The following ARPIN variants were observed in gnomAD, a reference collection of about 807,000 sequenced individuals.
The protein encoded by ARPIN is actin related protein 2/3 complex inhibitor, also known as UPF0552 protein C15orf38.
In ARPIN, 23 loss-of-function variants were observed where a neutral mutation model predicts 25.9. The observed-to-expected ratio is 0.89, with a 90% CI of 0.64 to 1.26. ARPIN has a LOEUF of 1.26. ARPIN is among the 50% of genes most tolerant of loss of function. The pLI, the probability that ARPIN is intolerant of heterozygous loss-of-function variation, is 0.00. For synonymous variants in ARPIN, 126 were observed against 131.4 expected (o/e 0.96, Z 0.28); for missense variants, 333 against 312.2 (o/e 1.07, Z -0.50).
At chr15:89,905,656 C>G (rs1596234534) in intron 3 of ARPIN, among the ~76,000 whole-genome samples, 1 of 152,244 alleles carries the variant, frequency 6.6e-6, no homozygotes, top group South Asian at 2.1e-4. Context: ...CACGCCTGTT[C>G]CCCTTGGCTT....
Position 89,901,336 on chromosome 15 carries a change from G to T in ARPIN, c.*459C>A, listed in dbSNP as rs1346740577. ...TCCAGTTACTCTCAGGCTGTCCTAG[G>T]GTCTCTCCCACCACCTGCCTCTACA... On this transcript the variant is annotated 3_prime_UTR_variant, in exon 6 of 6. Coordinates refer to ENST00000357484, the MANE Select transcript of ARPIN (RefSeq NM_182616.4). 5.4e-6 allele frequency: 1 copy of T among 185,056 alleles called. No homozygotes were observed. Among genetic ancestry groups the T allele is most frequent in the Non-Finnish European group, 1.1e-5 (1 of 89,432 alleles). 11.5% of individuals were successfully genotyped at this position (185,056 alleles called of 1,614,324 possible).
intron 1 of ARPIN, among the ~76,000 whole-genome samples, chr15:89,911,331 A>G (rs1897219760): frequency 6.6e-6 from 1 of 152,202 alleles, no homozygotes; most frequent in African/African-American, 2.4e-5. Flanking sequence ...TAACCCGAGG[A>G]AATGGTTATT....
intron 2 of ARPIN, among the ~76,000 whole-genome samples, chr15:89,910,413 C>T (rs1459218021): frequency 6.6e-6 from 1 of 152,176 alleles, no homozygotes; most frequent in Non-Finnish European, 1.5e-5. Flanking sequence ...AGGACATCAA[C>T]ATGGGAACTG....
chr15:89,908,535 T>C, intron 2 of ARPIN, 123 bp from the exon 3 acceptor site: 2 of 1,499,096 alleles, frequency 1.3e-6, no homozygotes, highest in South Asian at 1.3e-5. Flanking sequence ...CTCCAAAAGA[T>C]GTTCAAGCTA....
intron 4 of ARPIN, among the ~76,000 whole-genome samples, 153 bp downstream of exon 4, chr15:89,903,624 T>C (rs1897063948): frequency 1.3e-5 from 2 of 152,190 alleles, no homozygotes; most frequent in Admixed American, 1.3e-4. Flanking sequence ...AGGGCACTTG[T>C]GCAGGGATTT....
At position 89,912,227 on chromosome 15, in the gene ARPIN, C is replaced by T. The variant is rs142077775; in HGVS notation, c.92+517G>A. On this transcript the variant is annotated intron_variant, in intron 1 of 5. Transcript: ENST00000357484. ...TATTTCACTTAGCACAATTCTTCAG[C>T]GCAGTTGTAAATGGAATGGTCCCTT... 384 of 987,194 alleles carry T rather than the reference C, an allele frequency of 3.9e-4. 2 individuals carry two copies. In the South Asian group the frequency reaches 0.012, roughly 32 times the overall value. 61.2% of individuals were successfully genotyped at this position (987,194 alleles called of 1,614,324 possible). A position where few individuals can be genotyped will look rare whatever the true frequency, so the allele number is the denominator to read the frequency against.
chr15:89,912,660 G>A (rs1897246539), intron 1 of ARPIN, 84 bp downstream of exon 1: 1 of 1,112,906 alleles, frequency 9.0e-7, no homozygotes, highest in Non-Finnish European at 1.1e-6. Context: ...TCCCCCACCC[G>A]CATCCCACCC....
chr15:89,902,416 T>A (rs987460523), intron 5 of ARPIN, among the ~76,000 whole-genome samples: 3 of 150,930 alleles, frequency 2.0e-5, no homozygotes, highest in Non-Finnish European at 4.4e-5. Context: ...CTCAAAAAAA[T>A]AAAATAAAAT....
chr15:89,908,606 C>T (rs1463513336), intron 2 of ARPIN, among the ~76,000 whole-genome samples, 194 bp from the exon 3 acceptor site: 4 of 152,064 alleles, frequency 2.6e-5, no homozygotes, highest in African/African-American at 7.3e-5. Flanking sequence ...GAGCACCTGC[C>T]GCATATAATG....
chr15:89,903,461 C>T (rs1161996120), intron 4 of ARPIN, 82 bp from the exon 5 acceptor site: 8 of 1,586,264 alleles, frequency 5.0e-6, no homozygotes, highest in Middle Eastern at 1.7e-4. Context: ...GGTGGGGTCC[C>T]CTAGGCCTGG....
In ARPIN at chr15:89,901,407, A is replaced by G. The variant is rs2279849; in HGVS notation, c.*388T>C. 181,446 of 240,230 alleles carry G rather than the reference A, an allele frequency of 0.76. 68,997 individuals are homozygous for G. Among genetic ancestry groups the G allele is most frequent in the East Asian group, 0.81 (6,972 of 8,556 alleles). 14.9% of individuals were successfully genotyped at this position (240,230 alleles called of 1,614,324 possible). A position where few individuals can be genotyped will look rare whatever the true frequency, so the allele number is the denominator to read the frequency against. On this transcript the variant is annotated 3_prime_UTR_variant, in exon 6 of 6. Transcript: ENST00000357484. ...CCAGGGTCAACATGAGGCTGGGTGCAGTGGCTCACGCCTGTAATCCCAACA... is the reference window on the plus strand; with the variant it reads ...CCAGGGTCAACATGAGGCTGGGTGCGGTGGCTCACGCCTGTAATCCCAACA...
At chr15:89,910,132 G>A (rs1267680244) in intron 2 of ARPIN, among the ~76,000 whole-genome samples, 1 of 152,192 alleles carries the variant, frequency 6.6e-6, no homozygotes, top group Non-Finnish European at 1.5e-5. Context: ...GGGTACAGGA[G>A]GGACATGCAG....
At chr15:89,906,189 C>T (rs1052456303) in intron 3 of ARPIN, among the ~76,000 whole-genome samples, 4 of 152,150 alleles carry the variant, frequency 2.6e-5, no homozygotes, top group South Asian at 4.1e-4. Context: ...TCACAGGCAT[C>T]GCTGGGCTCC....
chr15:89,912,495 T>G, intron 1 of ARPIN: 2 of 1,275,624 alleles, frequency 1.6e-6, no homozygotes, highest in Non-Finnish European at 2.0e-6. Context: ...TGTCTGGGGG[T>G]CGGGACCCTC....
chr15:89,903,776 C>A lies in ARPIN; in HGVS notation c.508+1G>T, dbSNP rs768010613. On this transcript the variant is annotated splice_donor_variant, in intron 4 of 5. Coordinates refer to ENST00000357484, the MANE Select transcript of ARPIN (RefSeq NM_182616.4). LOFTEE classifies it high-confidence loss of function. Reference sequence around the variant, plus strand: ...GCCACAGTGAGGGTTGCATTGCTCACCCAGGAAGGGACCATCGCCCCGAGT... The same window carrying A: ...GCCACAGTGAGGGTTGCATTGCTCAACCAGGAAGGGACCATCGCCCCGAGT... 6.2e-7 allele frequency: 1 copy of A among 1,614,106 alleles called. No individual in the cohort carries two copies. Among genetic ancestry groups the A allele is most frequent in the South Asian group, 1.1e-5 (1 of 91,080 alleles).
In ARPIN at chr15:89,903,328, C is replaced by A. The variant is rs751988825; in HGVS notation, c.560G>T (p.Gly187Val). ...AGTVTKCNFT[G>V]DGKTGASWTD... ...CCAGGATGCCCCTGTCTTTCCATCA[C>A]CAGTGAAATTACACTTGGTCACTGT... The change falls in exon 5 of 6, where the codon GGT becomes GTT. Residue 187 changes from glycine (G) to valine (V), a missense_variant. Gly to Val is a moderately radical substitution (Grantham distance 109). Transcript: ENST00000357484. 8.7e-6 allele frequency: 14 copies of A among 1,614,106 alleles called. No individual in the cohort carries two copies. Among genetic ancestry groups the A allele is most frequent in the Non-Finnish European group, 1.1e-5 (13 of 1,180,060 alleles).
intron 1 of ARPIN, 49 bp from the exon 2 acceptor site, chr15:89,910,868 C>T: frequency 6.2e-7 from 1 of 1,605,578 alleles, no homozygotes; most frequent in Non-Finnish European, 8.5e-7. Flanking sequence ...CAGTCCTCAG[C>T]AAATCTCACC....
chr15:89,912,262 A>C, intron 1 of ARPIN: 1 of 991,126 alleles, frequency 1.0e-6, no homozygotes. Context: ...TCGGCCTCAT[A>C]ACCCTGTGAC....
At chr15:89,903,084 G>C in intron 5 of ARPIN, 132 bp downstream of exon 5, 1 of 1,580,008 alleles carries the variant, frequency 6.3e-7, no homozygotes, top group South Asian at 1.2e-5. Context: ...ACATTCCCAG[G>C]TGTTTCACAG....
Sources: gnomAD v4.1 joint callset for allele counts (sites outside exome capture counted in the v4.1 genomes callset) on GRCh38, gnomAD v4.1.1 for gene constraint, MANE v1.5 for transcripts, NCBI Gene and HGNC (gene_info 2026-07-23, HGNC 2026-07-21) for gene names.